The following MRO variants were observed in gnomAD, a reference collection of about 807,000 sequenced individuals.
The protein encoded by MRO is protein maestro.
In MRO, 28 loss-of-function variants were observed where a neutral mutation model predicts 31.0. That is an observed-to-expected ratio of 0.90 (90% CI 0.67 to 1.24). The LOEUF (loss-of-function observed/expected upper bound fraction) is 1.24. Ranked by LOEUF, MRO falls within the 50% of genes most tolerant of loss-of-function variation. MRO has a pLI of 0.00. For synonymous variants in MRO, 108 were observed against 108.4 expected (o/e 1.00, Z 0.02); for missense variants, 332 against 289.2 (o/e 1.15, Z -1.07).
At chr18:50,807,875 C>T (rs555841248) in intron 3 of MRO, among the ~76,000 whole-genome samples, 137 of 152,296 alleles carry the variant, frequency 9.0e-4, no homozygotes, top group Non-Finnish European at 1.4e-3. Context: ...GTCAGGAGTT[C>T]GAGACTAGCC....
intron 2 of MRO, among the ~76,000 whole-genome samples, chr18:50,814,109 G>T (rs997020040): frequency 3.3e-5 from 5 of 152,160 alleles, no homozygotes; most frequent in African/African-American, 1.2e-4. Flanking sequence ...CAGGTCAGAT[G>T]CTCCAGATCA....
At position 50,799,285 on chromosome 18, in the gene MRO, A is replaced by G; in HGVS notation, c.*52T>C. The G allele has an allele frequency of 6.8e-7, 1 of 1,480,920 alleles. No individual in the cohort carries two copies. Among genetic ancestry groups the G allele is most frequent in the East Asian group, 2.3e-5 (1 of 44,190 alleles). The allele number at this position is 1,480,920 out of a possible 1,614,324, so 91.7% of individuals were successfully genotyped here. ...ATCCAGTGAGATAAAACAGGGGAAC[A>G]TGATGGCTCAGCAATGCACTCATAC... On this transcript the variant is annotated 3_prime_UTR_variant, in exon 8 of 8. Transcript: ENST00000398439.
intron 2 of MRO, among the ~76,000 whole-genome samples, chr18:50,811,896 C>T (rs930698579): frequency 2.0e-5 from 3 of 151,926 alleles, no homozygotes; most frequent in African/African-American, 7.3e-5. Context: ...CGTACGCCAC[C>T]ATGCCTGGAT....
chr18:50,808,300 A>G (rs538242221), intron 3 of MRO, among the ~76,000 whole-genome samples: 92 of 152,248 alleles, frequency 6.0e-4, no homozygotes, highest in African/African-American at 2.1e-3. Flanking sequence ...CAAAGAAGAC[A>G]AAAGCCACCT....
chr18:50,818,525 G>A (rs937185819), intron 2 of MRO, among the ~76,000 whole-genome samples: 5 of 152,032 alleles, frequency 3.3e-5, no homozygotes, highest in Admixed American at 3.3e-4. Flanking sequence ...ATGGATTTGG[G>A]GTAACTTAGA....
At chr18:50,806,195 A>G (rs1173104791) in intron 4 of MRO, among the ~76,000 whole-genome samples, 9 of 152,128 alleles carry the variant, frequency 5.9e-5, no homozygotes, top group Non-Finnish European at 4.4e-5. Context: ...TTGGCCTCCC[A>G]AAGTGCTGGA....
chr18:50,808,373 G>A (rs1914135416), intron 3 of MRO, among the ~76,000 whole-genome samples: 1 of 152,062 alleles, frequency 6.6e-6, no homozygotes, highest in Admixed American at 6.6e-5. Context: ...CTATCTCAGT[G>A]GTGCTATGGA....
intron 5 of MRO, among the ~76,000 whole-genome samples, chr18:50,803,493 C>T (rs1215955128): frequency 4.6e-5 from 7 of 150,670 alleles, no homozygotes; most frequent in African/African-American, 7.3e-5. Context: ...GGCAATACAG[C>T]GAGACCCTGT....
chr18:50,818,839 G>C (rs1915140999), intron 2 of MRO, among the ~76,000 whole-genome samples: 1 of 152,024 alleles, frequency 6.6e-6, no homozygotes, highest in Non-Finnish European at 1.5e-5. Flanking sequence ...GATTGCTTGA[G>C]GTCAGGAGAT....
upstream of MRO, among the ~76,000 whole-genome samples, chr18:50,824,757 A>G (rs1915447364): frequency 6.8e-6 from 1 of 146,496 alleles, no homozygotes. Flanking sequence ...TTCAGCCAAG[A>G]CACTGTCTTT....
rs190393515 is a variant in MRO, at chr18:50,798,614, T to G, written c.*723A>C. ...ACTATCTCAGGGTTGTCGCAAGTAT[T>G]AAATAGAACTTACAAAAAGCACTTT... On this transcript the variant is annotated 3_prime_UTR_variant, in exon 8 of 8. Coordinates refer to ENST00000398439, the MANE Select transcript of MRO (RefSeq NM_031939.6). The G allele has an allele frequency of 2.4e-4, 36 of 152,340 alleles. No individual in the cohort carries two copies. Among genetic ancestry groups the G allele is most frequent in the African/African-American group, 7.2e-4 (30 of 41,560 alleles). 9.4% of individuals were successfully genotyped at this position (152,340 alleles called of 1,614,324 possible).
chr18:50,814,378 G>C (rs1426505015), intron 2 of MRO: 3 of 152,896 alleles, frequency 2.0e-5, no homozygotes, highest in Non-Finnish European at 4.4e-5. Flanking sequence ...GTGAAGGTGG[G>C]GGCGGGGAGG....
At position 50,805,068 on chromosome 18, in the gene MRO, G is replaced by A. The variant is rs1211413008; in HGVS notation, c.429+86C>T. 1.2e-5 allele frequency: 14 copies of A among 1,161,336 alleles called. No homozygotes were observed. In the African/African-American group the frequency reaches 2.0e-4, roughly 16 times the overall value. 71.9% of individuals were successfully genotyped at this position (1,161,336 alleles called of 1,614,324 possible). On this transcript the variant is annotated intron_variant, in intron 5 of 7. Transcript: ENST00000398439. ...GGCCTCCCAAAGTGCTGAGATTACA[G>A]GCATGAGCCACCGCACCCGGCCCCA...
chr18:50,808,371 G>C (rs12455429), intron 3 of MRO, among the ~76,000 whole-genome samples: 1 of 151,856 alleles, frequency 6.6e-6, no homozygotes, highest in African/African-American at 2.4e-5. Context: ...AGCTATCTCA[G>C]TGGTGCTATG....
Position 50,806,579 on chromosome 18 carries a change from G to A in MRO, c.246+125C>T, listed in dbSNP as rs550942696. 49 of 1,156,924 alleles carry A rather than the reference G, an allele frequency of 4.2e-5. No homozygotes were observed. The African/African-American group carries it at 4.6e-4, about 11-fold the overall frequency. The allele number at this position is 1,156,924 out of a possible 1,614,324, so 71.7% of individuals were successfully genotyped here. A position where few individuals can be genotyped will look rare whatever the true frequency, so the allele number is the denominator to read the frequency against. On this transcript the variant is annotated intron_variant, in intron 4 of 7. Transcript: ENST00000398439. ...TGTTGCTGTAAGCTGCTAAGTGTGC[G>A]GTGGTTTGTTCCGGGGTGATAGATA... is the stretch of plus-strand genomic sequence containing the variant.
At chr18:50,810,230 A>G (rs534386774) in intron 2 of MRO, among the ~76,000 whole-genome samples, 5 of 152,318 alleles carry the variant, frequency 3.3e-5, no homozygotes, top group Non-Finnish European at 7.4e-5. Flanking sequence ...TATAGGCTTG[A>G]GCCACTGTCC....
chr18:50,823,756 C>T (rs973417710), upstream of MRO: 3 of 174,394 alleles, frequency 1.7e-5, no homozygotes, highest in East Asian at 1.4e-4. Flanking sequence ...TGTGCCTTTC[C>T]GTCATTACAA....
intron 2 of MRO, among the ~76,000 whole-genome samples, chr18:50,810,056 C>T (rs1427089018): frequency 6.6e-6 from 1 of 152,166 alleles, no homozygotes; most frequent in African/African-American, 2.4e-5. Context: ...GCTTCTACCT[C>T]CCAGGCTTAA....
upstream of MRO, among the ~76,000 whole-genome samples, chr18:50,823,245 C>T (rs554566337): frequency 7.5e-6 from 1 of 134,116 alleles, no homozygotes; most frequent in African/African-American, 2.6e-5. Flanking sequence ...GCCACATTTG[C>T]TTCCTCCCAC....
Sources: allele counts gnomAD v4.1 joint callset (sites outside exome capture counted in the v4.1 genomes callset), GRCh38; gene constraint gnomAD v4.1.1; transcripts MANE v1.5; gene names NCBI Gene and HGNC (gene_info 2026-07-23, HGNC 2026-07-21).